The following SLC9A6 variants were observed in gnomAD, a reference collection of about 807,000 sequenced individuals.
The protein encoded by SLC9A6 is solute carrier family 9 member A6, also known as sodium/hydrogen exchanger 6.
A neutral mutation model predicts 45.3 loss-of-function variants in SLC9A6; 6 were observed. The observed-to-expected ratio is 0.13, with a 90% CI of 0.07 to 0.26. The LOEUF is 0.26. Among genes scored for constraint, SLC9A6 ranks in the 10% least tolerant of loss-of-function variants. SLC9A6 has a pLI of 1.00. For missense variants in SLC9A6, 278 were observed against 503.7 expected (o/e 0.55, Z 4.29); for synonymous variants, 191 against 187.7 (o/e 1.02, Z -0.14).
At position 135,998,624 on chromosome X, in the gene SLC9A6, G is replaced by A. The variant is rs1309586055; in HGVS notation, c.524+66G>A. The A allele has an allele frequency of 1.7e-5, 14 of 813,555 alleles. No individual in the cohort carries two copies. The East Asian group carries it at 4.7e-4, about 27-fold the overall frequency. 67.0% of individuals were successfully genotyped at this position (813,555 alleles called of 1,213,427 possible). ...TATAATTTTAAAATAATATATTTTT[G>A]ATTTATGCAGTGTTATATATTCCTG... is the stretch of plus-strand genomic sequence containing the variant. On this transcript the variant is annotated intron_variant, in intron 5 of 17. Transcript: ENST00000630721.
At chrX:136,027,620 A>G (rs1446785370) in intron 13 of SLC9A6, among the ~76,000 whole-genome samples, 1 of 112,054 alleles carries the variant, frequency 8.9e-6, no homozygotes, top group Non-Finnish European at 1.9e-5. Flanking sequence ...AAGCAGCCCT[A>G]GACAATATAT....
At chrX:136,005,451 C>T (rs1365021642) in intron 7 of SLC9A6, among the ~76,000 whole-genome samples, 18 of 112,150 alleles carry the variant, frequency 1.6e-4, no homozygotes, top group South Asian at 1.1e-3. Context: ...GAGGCCGAGG[C>T]GGGCGGATCA....
intron 15 of SLC9A6, chrX:136,030,602 T>G (rs1556621017): frequency 7.3e-6 from 1 of 137,682 alleles, no homozygotes; most frequent in African/African-American, 3.2e-5. Context: ...GCCTAGAAGC[T>G]TTTGAATCTT....
upstream of SLC9A6, chrX:135,974,008 G>T: frequency 1.3e-6 from 1 of 777,461 alleles, no homozygotes; most frequent in Non-Finnish European, 1.8e-6. Flanking sequence ...CGGCAAATGG[G>T]GGCAGGGCCA....
upstream of SLC9A6, among the ~76,000 whole-genome samples, chrX:135,983,045 G>A (rs782118767): frequency 9.0e-6 from 1 of 111,477 alleles, no homozygotes; most frequent in Admixed American, 9.5e-5. Flanking sequence ...CAGCAAATGT[G>A]TAGGAGTGAC....
At chrX:136,010,075 A>T (rs2070890092) in intron 7 of SLC9A6, 1 of 173,457 alleles carries the variant, frequency 5.8e-6, no homozygotes, top group African/African-American at 3.0e-5. Flanking sequence ...ATTTTTCATT[A>T]GTTTGTTCAC....
Position 136,024,243 on chromosome X carries a change from T to C in SLC9A6, c.1307-87T>C, listed in dbSNP as rs368873444. ...CATATTTGTTCACATGCTTCTAAGT[T>C]TTTAGAACGTGCTTTCTTGCTCTGA... is the stretch of plus-strand genomic sequence containing the variant. On this transcript the variant is annotated intron_variant, in intron 12 of 17. Transcript: ENST00000630721. The C allele has an allele frequency of 1.1e-4, 107 of 999,721 alleles. 1 individual carries two copies. In the East Asian group the frequency reaches 1.4e-3, roughly 13 times the overall value. 82.4% of individuals were successfully genotyped at this position (999,721 alleles called of 1,213,427 possible). A position where few individuals can be genotyped will look rare whatever the true frequency, so the allele number is the denominator to read the frequency against.
intron 6 of SLC9A6, among the ~76,000 whole-genome samples, chrX:136,000,254 CAAA>C (rs1212509294): frequency 6.3e-5 from 1 of 15,783 alleles, no homozygotes; most frequent in Non-Finnish European, 1.3e-4. Context: ...ACCCTGTCTC[CAAA>C]AAAAAAAAAA....
chrX:135,992,584 G>A (rs1355005510), intron 2 of SLC9A6, among the ~76,000 whole-genome samples: 1 of 111,632 alleles, frequency 9.0e-6, no homozygotes, highest in Non-Finnish European at 1.9e-5. Flanking sequence ...TCACTGGATG[G>A]GCTGTGTTGT....
rs782774568 is a variant in SLC9A6 at position 135,985,624 on chromosome X, G to A, written c.-35G>A. ...GCAGTGGGCGTCTTTGACTGGGCAG[G>A]GGCTTCGGACGGCGGCGGCGGAGAG... is the stretch of plus-strand genomic sequence containing the variant. On this transcript the variant is annotated 5_prime_UTR_variant, in exon 2 of 18. Coordinates refer to ENST00000630721, the MANE Select transcript of SLC9A6 (RefSeq NM_001379110.1). 9.9e-6 allele frequency: 12 copies of A among 1,210,409 alleles called. No individual in the cohort carries two copies. In the South Asian group the frequency reaches 2.1e-4, roughly 21 times the overall value.
chrX:135,984,598 G>GAGAACA (rs2089305340), upstream of SLC9A6, among the ~76,000 whole-genome samples: 1 of 111,706 alleles, frequency 9.0e-6, no homozygotes, highest in Admixed American at 9.5e-5. Context: ...GAGAGAGGTT[G>GAGAACA]GACAGGCTGA....
chrX:135,991,771 T>C (rs2089435108), intron 2 of SLC9A6, among the ~76,000 whole-genome samples: 1 of 111,391 alleles, frequency 9.0e-6, no homozygotes, highest in African/African-American at 3.3e-5. Context: ...AAATGAATTT[T>C]TTCCCTTTCT....
chrX:136,030,085 A>T (rs782149551), intron 14 of SLC9A6, 47 bp from the exon 15 acceptor site: 2 of 1,183,329 alleles, frequency 1.7e-6, no homozygotes, highest in Non-Finnish European at 2.3e-6. Flanking sequence ...TGAATAGACC[A>T]TTTTTTGGCT....
At chrX:136,032,217 G>A (rs1050725427) in intron 15 of SLC9A6, among the ~76,000 whole-genome samples, 2 of 112,068 alleles carry the variant, frequency 1.8e-5, no homozygotes, top group Non-Finnish European at 3.8e-5. Flanking sequence ...ATAGGTGCCT[G>A]CCACCACGCC....
At chrX:136,033,547 A>G in intron 16 of SLC9A6, 54 bp downstream of exon 16, 1 of 701,232 alleles carries the variant, frequency 1.4e-6, no homozygotes, top group Non-Finnish European at 2.2e-6. Context: ...AGATAATTAC[A>G]GTTTAATGGA....
chrX:136,018,784 G>C (rs1467347638), intron 11 of SLC9A6, among the ~76,000 whole-genome samples: 1 of 109,514 alleles, frequency 9.1e-6, no homozygotes, highest in African/African-American at 3.3e-5. Context: ...GAGATTAGTG[G>C]AAGTTTTTTT....
At chrX:136,036,202 A>G (rs2071410588) in intron 16 of SLC9A6, among the ~76,000 whole-genome samples, 1 of 111,382 alleles carries the variant, frequency 9.0e-6, no homozygotes, top group Non-Finnish European at 1.9e-5. Context: ...AGTCTTTTAA[A>G]TTTTAGCCAT....
chrX:135,981,844 G>A (rs1389507220), upstream of SLC9A6, among the ~76,000 whole-genome samples: 1 of 111,750 alleles, frequency 8.9e-6, no homozygotes, highest in Non-Finnish European at 1.9e-5. Context: ...GATTGGCAGA[G>A]ACTAAAGAAG....
At chrX:136,019,769 G>A (rs1446329875) in intron 11 of SLC9A6, among the ~76,000 whole-genome samples, 1 of 112,008 alleles carries the variant, frequency 8.9e-6, no homozygotes, top group African/African-American at 3.2e-5. Flanking sequence ...ACTAACTAAC[G>A]TTTGAACTTT....
Sources: gnomAD v4.1 joint callset for allele counts (sites outside exome capture counted in the v4.1 genomes callset) on GRCh38, gnomAD v4.1.1 for gene constraint, MANE v1.5 for transcripts, NCBI Gene and HGNC (gene_info 2026-07-23, HGNC 2026-07-21) for gene names.